ANKFN1: variants seen among roughly 807,000 people sequenced by gnomAD.
ANKFN1 encodes ankyrin repeat and fibronectin type III domain containing 1, also known as ankyrin repeat and fibronectin type-III domain-containing protein 1.
Under a neutral mutation model 108.7 loss-of-function variants are expected in ANKFN1, and 74 were observed. The observed-to-expected ratio is 0.68, with a 90% CI of 0.56 to 0.83. The LOEUF (loss-of-function observed/expected upper bound fraction) is 0.83, where lower values mean the gene tolerates loss of function less well. Among genes scored for constraint, ANKFN1 ranks in the 40% least tolerant of loss-of-function variants. The pLI is 0.00. For missense variants in ANKFN1, 1,505 were observed against 1,382.3 expected, an observed-to-expected ratio of 1.09 and a Z score of -1.41; for synonymous variants, 547 against 516.2, an observed-to-expected ratio of 1.06 and a Z score of -0.81.
chr17:56,247,307 T>C (rs1918031716), intron 3 of ANKFN1, among the ~76,000 whole-genome samples: 1 of 152,172 alleles, frequency 6.6e-6, no homozygotes, highest in African/African-American at 2.4e-5. Context: ...TTTAAATGTA[T>C]AGTATACAAA....
rs551190846 is a variant in ANKFN1 at position 56,408,858 on chromosome 17, A to G, written c.911-31469A>G. ...CTGGGTTTGAACGCAAAAAGTAAAA[A>G]CAATAGAGTTAGAAGGCAGTCATGA... is the stretch of plus-strand genomic sequence containing the variant. On this transcript the variant is annotated intron_variant, in intron 8 of 20. Transcript: ENST00000682825. Among the ~76,000 whole-genome samples the G allele has an allele frequency of 2.4e-4, 37 of 152,312 alleles. No homozygotes were observed. In the South Asian group the frequency reaches 5.2e-3, roughly 21 times the overall value.
At chr17:56,182,884 A>G (rs968451806) in intron 1 of ANKFN1, among the ~76,000 whole-genome samples, 7 of 152,130 alleles carry the variant, frequency 4.6e-5, no homozygotes, top group East Asian at 3.8e-4. Flanking sequence ...CATTCTGAAA[A>G]TCCTAAGGCC....
At chr17:56,379,448 A>G (rs2047033787) in intron 8 of ANKFN1, among the ~76,000 whole-genome samples, 1 of 151,840 alleles carries the variant, frequency 6.6e-6, no homozygotes, top group African/African-American at 2.4e-5. Flanking sequence ...TTCCAGTCGT[A>G]TTCATACCTC....
intron 4 of ANKFN1, among the ~76,000 whole-genome samples, chr17:56,057,475 A>C (rs929208666): frequency 6.6e-6 from 1 of 152,194 alleles, no homozygotes; most frequent in African/African-American, 2.4e-5. Flanking sequence ...GATAGACTTA[A>C]GTATATTTCT....
intron 1 of ANKFN1, among the ~76,000 whole-genome samples, chr17:56,167,259 G>A (rs1450746706): frequency 1.2e-5 from 1 of 82,120 alleles, no homozygotes; most frequent in African/African-American, 4.4e-5. Flanking sequence ...ATGTATGTGT[G>A]TGTATATATA....
rs2051775963 is a variant in ANKFN1, at chr17:56,511,609, G to A, written c.*340G>A. On this transcript the variant is annotated 3_prime_UTR_variant, in exon 21 of 21. Coordinates refer to ENST00000682825, the MANE Select transcript of ANKFN1 (RefSeq NM_001370326.1). ...GACCCTCTGTTCTGCAGCTGGTTCTGTAATCTGACCCCTAGTTTAGGGCTC... is the reference window on the plus strand; with the variant it reads ...GACCCTCTGTTCTGCAGCTGGTTCTATAATCTGACCCCTAGTTTAGGGCTC... 1 of 226,226 alleles carries A rather than the reference G, an allele frequency of 4.4e-6. No homozygotes were observed. The highest frequency in any genetic ancestry group is 5.4e-5 in the Admixed American group (1 of 18,412). The allele number at this position is 226,226 out of a possible 1,614,324, so 14.0% of individuals were successfully genotyped here.
At chr17:56,442,765 A>G (rs2049150261) in intron 9 of ANKFN1, 78 bp from the exon 10 acceptor site, 1 of 1,297,582 alleles carries the variant, frequency 7.7e-7, no homozygotes, top group Non-Finnish European at 1.1e-6. Flanking sequence ...ACACATAGTT[A>G]TTAAATTCTA....
At chr17:56,088,283 A>G (rs1598092193) in intron 4 of ANKFN1, among the ~76,000 whole-genome samples, 1 of 151,246 alleles carries the variant, frequency 6.6e-6, no homozygotes, top group East Asian at 1.9e-4. Flanking sequence ...TTTTCTACTC[A>G]TGAAACAATT....
At chr17:56,163,049 A>G (rs1324555643) in intron 1 of ANKFN1, among the ~76,000 whole-genome samples, 2 of 151,090 alleles carry the variant, frequency 1.3e-5, no homozygotes, top group Non-Finnish European at 2.9e-5. Flanking sequence ...AAAAAAAAGA[A>G]AAAAAGAAAA....
At chr17:56,183,084 G>T (rs1278319641) in intron 1 of ANKFN1, among the ~76,000 whole-genome samples, 1 of 152,160 alleles carries the variant, frequency 6.6e-6, no homozygotes, top group Non-Finnish European at 1.5e-5. Flanking sequence ...CATCATCCAA[G>T]AGCTCTAATA....
intron 1 of ANKFN1, among the ~76,000 whole-genome samples, chr17:56,207,916 T>C (rs577973084): frequency 6.6e-6 from 1 of 152,294 alleles, no homozygotes; most frequent in Admixed American, 6.5e-5. Flanking sequence ...CGTCTAACTC[T>C]CCAAGCAGGA....
At chr17:56,277,455 T>C (rs1317397572) in intron 3 of ANKFN1, among the ~76,000 whole-genome samples, 1 of 152,154 alleles carries the variant, frequency 6.6e-6, no homozygotes, top group Admixed American at 6.5e-5. Flanking sequence ...ATAATAATAA[T>C]AATCACTCTC....
At chr17:56,264,687 G>C (rs1051270366) in intron 3 of ANKFN1, among the ~76,000 whole-genome samples, 1 of 152,134 alleles carries the variant, frequency 6.6e-6, no homozygotes, top group African/African-American at 2.4e-5. Context: ...GGTTCTACAG[G>C]TTTGGATTCT....
chr17:56,502,243 T>C (rs2051396900), intron 20 of ANKFN1, among the ~76,000 whole-genome samples: 1 of 152,172 alleles, frequency 6.6e-6, no homozygotes, highest in Non-Finnish European at 1.5e-5. Flanking sequence ...GCCACAGGGT[T>C]CTTAGTGGAT....
At chr17:56,257,203 G>A (rs1350916997) in intron 3 of ANKFN1, among the ~76,000 whole-genome samples, 1 of 152,160 alleles carries the variant, frequency 6.6e-6, no homozygotes, top group Non-Finnish European at 1.5e-5. Flanking sequence ...TGATGACAAT[G>A]ATGATAATGC....
chr17:56,460,073 A>C (rs891206220), intron 14 of ANKFN1, among the ~76,000 whole-genome samples: 5 of 146,792 alleles, frequency 3.4e-5, no homozygotes, highest in African/African-American at 1.2e-4. Flanking sequence ...AAAAAATCAC[A>C]AAAAAGGGCT....
At chr17:56,153,685 T>C in intron 1 of ANKFN1, 155 bp downstream of exon 1, 1 of 1,010,056 alleles carries the variant, frequency 9.9e-7, no homozygotes, top group East Asian at 2.5e-5. Flanking sequence ...TGGTTTCATT[T>C]CTGTAAACAG....
chr17:56,081,740 C>A (rs990756162), intron 4 of ANKFN1, among the ~76,000 whole-genome samples: 3 of 152,154 alleles, frequency 2.0e-5, no homozygotes, highest in African/African-American at 7.2e-5. Flanking sequence ...TGCCTGCATG[C>A]TTGGTGGCCT....
chr17:56,067,067 T>C (rs565601267), intron 4 of ANKFN1, among the ~76,000 whole-genome samples: 2 of 152,192 alleles, frequency 1.3e-5, no homozygotes, highest in South Asian at 4.2e-4. Flanking sequence ...AGAGTGCCTG[T>C]AGTCCTGGCC....
Sources: gnomAD v4.1 joint callset for allele counts (sites outside exome capture counted in the v4.1 genomes callset) on GRCh38, gnomAD v4.1.1 for gene constraint, MANE v1.5 for transcripts, NCBI Gene and HGNC (gene_info 2026-07-23, HGNC 2026-07-21) for gene names.